Variants in VDR observed in about 807,000 individuals in gnomAD.
VDR encodes vitamin D receptor.
Under a neutral mutation model 39.7 loss-of-function variants are expected in VDR, and 19 were observed. That is an observed-to-expected ratio of 0.48 (90% CI 0.33 to 0.70). The LOEUF (loss-of-function observed/expected upper bound fraction) is 0.70, where lower values mean the gene tolerates loss of function less well. VDR is among the 30% of genes least tolerant of loss of function. The pLI, the probability that VDR is intolerant of heterozygous loss-of-function variation, is 0.02. For synonymous variants in VDR, 242 were observed against 215.8 expected, an observed-to-expected ratio of 1.12 and a Z score of -1.07; for missense variants, 442 against 570.5, an observed-to-expected ratio of 0.77 and a Z score of 2.29.
At chr12:47,903,999 T>A (rs955464663) in intron 1 of VDR, among the ~76,000 whole-genome samples, 1 of 151,818 alleles carries the variant, frequency 6.6e-6, no homozygotes, top group Non-Finnish European at 1.5e-5. Flanking sequence ...GCTCAGAAAA[T>A]GCCTGCCCAA....
intron 1 of VDR, among the ~76,000 whole-genome samples, chr12:47,883,503 C>G (rs1218597053): frequency 6.6e-6 from 1 of 152,220 alleles, no homozygotes; most frequent in Non-Finnish European, 1.5e-5. Flanking sequence ...TGCCCAGACT[C>G]TGGATCTTAG....
At chr12:47,856,377 C>A (rs940818216) in intron 6 of VDR, among the ~76,000 whole-genome samples, 1 of 152,090 alleles carries the variant, frequency 6.6e-6, no homozygotes, top group African/African-American at 2.4e-5. Flanking sequence ...GGGAAAATTT[C>A]CGATAAGTGT....
intron 3 of VDR, among the ~76,000 whole-genome samples, chr12:47,876,984 G>A (rs1334559478): frequency 6.6e-6 from 1 of 152,216 alleles, no homozygotes; most frequent in African/African-American, 2.4e-5. Flanking sequence ...CAAATGCTTT[G>A]GTTGCAGACT....
rs1310708898 is a variant in VDR, at chr12:47,865,194, C to G, written c.147-17G>C. 5 of 1,609,690 alleles carry G rather than the reference C, an allele frequency of 3.1e-6. No homozygotes were observed. Among genetic ancestry groups the G allele is most frequent in the Admixed American group, 1.7e-5 (1 of 59,940 alleles). On this transcript the variant is annotated splice_polypyrimidine_tract_variant and intron_variant, in intron 3 of 9. Transcript: ENST00000549336. Reference sequence around the variant, plus strand: ...ATGCTTCGCCTGCCGAGAGAGCACACACCCTGCCCTGGGTCACTGAACTTC... The same window carrying G: ...ATGCTTCGCCTGCCGAGAGAGCACAGACCCTGCCCTGGGTCACTGAACTTC...
At chr12:47,887,972 T>C (rs1218860820) in intron 1 of VDR, among the ~76,000 whole-genome samples, 1 of 152,208 alleles carries the variant, frequency 6.6e-6, no homozygotes, top group Admixed American at 6.5e-5. Context: ...CCCTGCAGTA[T>C]CAGGGTGTAT....
intron 7 of VDR, among the ~76,000 whole-genome samples, chr12:47,847,154 G>T (rs969432596): frequency 4.6e-5 from 7 of 152,090 alleles, no homozygotes; most frequent in Non-Finnish European, 7.4e-5. Context: ...TAGGGCCATG[G>T]TATCTTCAAC....
chr12:47,879,126 A>G lies in VDR; in HGVS notation c.-2-11T>C. On this transcript the variant is annotated splice_polypyrimidine_tract_variant and intron_variant, in intron 2 of 9. Coordinates refer to ENST00000549336, the MANE Select transcript of VDR (RefSeq NM_000376.3). ...CCATTGCCTCCATCCCTGTAAGAACAGCAAGCAGGCCACGGTCAGAGCCAG... is the reference window on the plus strand; with the variant it reads ...CCATTGCCTCCATCCCTGTAAGAACGGCAAGCAGGCCACGGTCAGAGCCAG... 2 of 1,613,326 alleles carry G rather than the reference A, an allele frequency of 1.2e-6. No homozygotes were observed. Among genetic ancestry groups the G allele is most frequent in the South Asian group, 1.1e-5 (1 of 91,058 alleles).
In VDR at chr12:47,855,751, A is replaced by T. The variant is rs775321091; in HGVS notation, c.634T>A (p.Ser212Thr). Residue 212 changes from serine (S) to threonine (T), a missense_variant, in exon 7 of 10, where the codon TCA becomes ACA. Ser to Thr is a moderately conservative substitution (Grantham distance 58). Coordinates refer to ENST00000549336, the MANE Select transcript of VDR (RefSeq NM_000376.3). ...FSNLDLSEEDSDDPSVTLELS... is the reference protein window; with the variant it reads ...FSNLDLSEEDTDDPSVTLELS... ...TCTAGGGTCACAGAAGGGTCATCTG[A>T]ATCTTCTTCACTCAGATCCAGATTG... 1.1e-5 allele frequency: 18 copies of T among 1,614,182 alleles called. 1 individual carries two copies. The South Asian group carries it at 1.8e-4, about 16-fold the overall frequency.
chr12:47,891,215 C>T (rs1946363259), intron 1 of VDR, among the ~76,000 whole-genome samples: 1 of 152,178 alleles, frequency 6.6e-6, no homozygotes, highest in Non-Finnish European at 1.5e-5. Flanking sequence ...TCAGATGCCC[C>T]CAGAGCCCAT....
intron 2 of VDR, 71 bp downstream of exon 2, chr12:47,882,623 G>GCCCCAGCCCCC: frequency 1.8e-6 from 1 of 543,282 alleles, no homozygotes; most frequent in Non-Finnish European, 3.2e-6. Flanking sequence ...ACCTTCTTAT[G>GCCCCAGCCCCC]CCCCTCCCCC....
chr12:47,859,855 TTCCTTCCTTCTTTCCTTCC>T (rs1945573519), intron 4 of VDR, among the ~76,000 whole-genome samples: 1 of 49,980 alleles, frequency 2.0e-5, no homozygotes, highest in African/African-American at 9.5e-5. Context: ...CCTTCCTTCC[TTCCTTCCTTCTTTCCTTCC>T]TTCCTTCCTT....
chr12:47,866,096 C>T (rs1482493657), intron 3 of VDR, among the ~76,000 whole-genome samples: 1 of 149,592 alleles, frequency 6.7e-6, no homozygotes, highest in African/African-American at 2.4e-5. Context: ...AACAAAAGTG[C>T]ATTTCCCTAG....
intron 1 of VDR, among the ~76,000 whole-genome samples, chr12:47,886,640 C>T (rs1220510230): frequency 2.0e-5 from 3 of 152,224 alleles, no homozygotes; most frequent in African/African-American, 7.2e-5. Context: ...AAATTATTTT[C>T]TACAGACCAC....
At chr12:47,849,002 C>G (rs1197739402) in intron 7 of VDR, among the ~76,000 whole-genome samples, 1 of 152,132 alleles carries the variant, frequency 6.6e-6, no homozygotes, top group African/African-American at 2.4e-5. Context: ...TTTGAGAGGC[C>G]AATGACTAGT....
Position 47,865,158 on chromosome 12 carries a change from C to T in VDR, c.166G>A (p.Ala56Thr), listed in dbSNP as rs769876033. 124 of 1,612,882 alleles carry T rather than the reference C, an allele frequency of 7.7e-5. No homozygotes were observed. Among genetic ancestry groups the T allele is most frequent in the Middle Eastern group, 1.6e-4 (1 of 6,082 alleles). The change falls in exon 4 of 10, where the codon GCA becomes ACA. Residue 56 changes from alanine (A) to threonine (T), a missense_variant. Around this residue, in one of 5 missense-constraint regions of VDR, gnomAD observed 141 missense variants for 141.3 expected, o/e 1.00. Transcript: ENST00000549336. ...CCGTTGAAGGGGCAGGTGAATAGTG[C>T]CTTCCGCTTCATGCTTCGCCTGCCG... Reference protein sequence around the residue: ...GFFRRSMKRKALFTCPFNGDC... With the variant: ...GFFRRSMKRKTLFTCPFNGDC...
intron 7 of VDR, among the ~76,000 whole-genome samples, chr12:47,850,785 C>A (rs1047752379): frequency 2.0e-5 from 3 of 151,428 alleles, no homozygotes; most frequent in Non-Finnish European, 4.4e-5. Flanking sequence ...CGCCTGCAGC[C>A]GCTTCTGGGC....
intron 3 of VDR, among the ~76,000 whole-genome samples, chr12:47,874,566 T>C (rs577503266): frequency 1.3e-5 from 2 of 152,336 alleles, no homozygotes; most frequent in African/African-American, 4.8e-5. Flanking sequence ...ACCTTGGAGC[T>C]AGGAAGCGAA....
intron 1 of VDR, among the ~76,000 whole-genome samples, chr12:47,893,516 AT>A (rs1946410191): frequency 6.6e-6 from 1 of 152,242 alleles, no homozygotes; most frequent in African/African-American, 2.4e-5. Context: ...AAATGATTCA[AT>A]AAGGGCAGAT....
intron 4 of VDR, among the ~76,000 whole-genome samples, chr12:47,858,579 G>A (rs1945545266): frequency 1.3e-5 from 2 of 152,266 alleles, no homozygotes; most frequent in African/African-American, 4.8e-5. Context: ...GCCTCCCTGT[G>A]CTGGGGCAGC....
Sources: gnomAD v4.1 joint callset for allele counts (sites outside exome capture counted in the v4.1 genomes callset) on GRCh38, gnomAD v4.1.1 for gene constraint, gnomAD v4.1.1 regional missense constraint, MANE v1.5 for transcripts, NCBI Gene and HGNC (gene_info 2026-07-23, HGNC 2026-07-21) for gene names.